The following MAU2 variants were observed in gnomAD, a reference collection of about 807,000 sequenced individuals.
The protein encoded by MAU2 is MAU2 sister chromatid cohesion factor.
A neutral mutation model predicts 89.1 loss-of-function variants in MAU2; 9 were observed. That is an observed-to-expected ratio of 0.10 (90% CI 0.06 to 0.18). The LOEUF is 0.18. Among genes scored for constraint, MAU2 ranks in the 10% least tolerant of loss-of-function variants. The pLI, the probability that MAU2 is intolerant of heterozygous loss-of-function variation, is 1.00. For synonymous variants in MAU2, 357 were observed against 343.4 expected (o/e 1.04, Z -0.44); for missense variants, 425 against 803.5 (o/e 0.53, Z 5.69).
At position 19,355,857 on chromosome 19, in the gene MAU2, C is replaced by T. The variant is rs750367380; in HGVS notation, c.*75C>T. 6 of 1,347,910 alleles carry T rather than the reference C, an allele frequency of 4.5e-6. No homozygotes were observed. Among genetic ancestry groups the T allele is most frequent in the Non-Finnish European group, 6.3e-6 (6 of 951,376 alleles). 83.5% of individuals were successfully genotyped at this position (1,347,910 alleles called of 1,614,324 possible). ...CCACCCAGACGGCACTCAAGCCTGC[C>T]CCCGAGGCGTGCTTCCTTCCTGATT... On this transcript the variant is annotated 3_prime_UTR_variant, in exon 19 of 19. Coordinates refer to ENST00000262815, the MANE Select transcript of MAU2 (RefSeq NM_015329.4).
intron 1 of MAU2, among the ~76,000 whole-genome samples, chr19:19,330,135 A>G (rs759630925): frequency 4.2e-4 from 64 of 151,726 alleles, no homozygotes; most frequent in Non-Finnish European, 8.8e-4. Flanking sequence ...ACACACCACC[A>G]TGCCCAGCTA....
intron 1 of MAU2, chr19:19,329,061 A>G (rs2061533792): frequency 8.8e-6 from 4 of 455,986 alleles, no homozygotes; most frequent in Non-Finnish European, 1.3e-5. Flanking sequence ...GTTTAGCCTG[A>G]GCATCTATGG....
intron 16 of MAU2, among the ~76,000 whole-genome samples, chr19:19,350,864 C>T (rs556998448): frequency 2.0e-5 from 3 of 148,878 alleles, no homozygotes; most frequent in Non-Finnish European, 3.0e-5. Flanking sequence ...CCCACCACTG[C>T]ACTCCAGCCT....
intron 16 of MAU2, chr19:19,353,065 C>G (rs1198537227): frequency 6.6e-6 from 1 of 152,436 alleles, no homozygotes; most frequent in Non-Finnish European, 1.5e-5. Context: ...AGTGCCGGAG[C>G]AGACGGCTGA....
Position 19,340,884 on chromosome 19 carries a change from G to T in MAU2, c.579+11G>T, listed in dbSNP as rs1443313213. The T allele has an allele frequency of 1.9e-6, 3 of 1,613,074 alleles. No individual in the cohort carries two copies. The East Asian group carries it at 6.7e-5, about 36-fold the overall frequency. On this transcript the variant is annotated intron_variant, in intron 6 of 18. Transcript: ENST00000262815. ...CTCAGCAAGGGGATGGTAAGTTGAGGCTGGGCATGGCTGGATGCAGCTGGT... is the reference window on the plus strand; with the variant it reads ...CTCAGCAAGGGGATGGTAAGTTGAGTCTGGGCATGGCTGGATGCAGCTGGT...
In MAU2 at chr19:19,349,370, G is replaced by A. The variant is rs1408107465; in HGVS notation, c.1482G>A (p.Leu494=). The A allele has an allele frequency of 1.2e-6, 2 of 1,614,210 alleles. No individual in the cohort carries two copies. Among genetic ancestry groups the A allele is most frequent in the Admixed American group, 3.3e-5 (2 of 60,030 alleles). The change falls in exon 16 of 19, where the codon CTG becomes CTA. Residue 494 remains leucine (L), a synonymous_variant. Coordinates refer to ENST00000262815, the MANE Select transcript of MAU2 (RefSeq NM_015329.4). ...ETLKMSNAED[L]NRLTACSLVL... The stretch of plus-strand genomic sequence containing the variant: ...TGAAGATGTCCAATGCTGAGGACCT[G>A]AACCGGCTCACAGCCTGCTCCCTCG...
At chr19:19,333,343 A>G (rs1350953700) in intron 1 of MAU2, among the ~76,000 whole-genome samples, 1 of 152,312 alleles carries the variant, frequency 6.6e-6, no homozygotes, top group Admixed American at 6.5e-5. Context: ...AAAATTAGCC[A>G]GACGTGGTGG....
rs12460764 is a variant in MAU2, at chr19:19,321,154, G to T, written c.276+19G>T. ...GAAGGCGGTGAGCGCGGGCCGGGCC[G>T]CGAGGGAGGAGTCGCGGGCTCCTTG... is the stretch of plus-strand genomic sequence containing the variant. On this transcript the variant is annotated intron_variant, in intron 1 of 18. Coordinates refer to ENST00000262815, the MANE Select transcript of MAU2 (RefSeq NM_015329.4). 0.63 allele frequency: 993,371 copies of T among 1,565,600 alleles called. 319,457 individuals carry two copies. Among genetic ancestry groups the T allele is most frequent in the East Asian group, 0.7 (28,757 of 41,090 alleles).
At chr19:19,327,680 C>T (rs1004247529) in intron 1 of MAU2, among the ~76,000 whole-genome samples, 3 of 151,874 alleles carry the variant, frequency 2.0e-5, no homozygotes, top group Admixed American at 1.3e-4. Context: ...TCTCGAACTC[C>T]TCAGCAGCTT....
intron 1 of MAU2, chr19:19,321,410 G>A: frequency 2.5e-6 from 1 of 406,684 alleles, no homozygotes; most frequent in East Asian, 4.4e-5. Flanking sequence ...CCTGTTATTG[G>A]GAGCAACAGG....
At chr19:19,337,298 G>T (rs756507195) in intron 4 of MAU2, 33 bp downstream of exon 4, 3 of 1,559,742 alleles carry the variant, frequency 1.9e-6, no homozygotes, top group African/African-American at 2.7e-5. Flanking sequence ...GAGGGTGCCC[G>T]GCAGGGACCA....
intron 2 of MAU2, 35 bp downstream of exon 2, chr19:19,335,770 G>A: frequency 6.2e-7 from 1 of 1,608,574 alleles, no homozygotes; most frequent in Non-Finnish European, 8.5e-7. Context: ...TCCCTTTAAG[G>A]AATTCTCCAC....
At chr19:19,329,596 A>G (rs1316890973) in intron 1 of MAU2, among the ~76,000 whole-genome samples, 3 of 152,188 alleles carry the variant, frequency 2.0e-5, no homozygotes, top group Non-Finnish European at 4.4e-5. Flanking sequence ...AGCCACAGTC[A>G]CACAGCAGCA....
chr19:19,334,564 G>C, intron 1 of MAU2: 1 of 985,588 alleles, frequency 1.0e-6, no homozygotes, highest in Non-Finnish European at 1.2e-6. Flanking sequence ...AATACTCTCT[G>C]CTGCATCCAG....
chr19:19,350,161 T>C (rs1035191301), intron 16 of MAU2, among the ~76,000 whole-genome samples: 2 of 150,698 alleles, frequency 1.3e-5, no homozygotes, highest in Non-Finnish European at 2.9e-5. Context: ...TGGGGCGTGG[T>C]GGTGGACGCC....
chr19:19,330,804 G>A (rs1222111185), intron 1 of MAU2, among the ~76,000 whole-genome samples: 1 of 152,156 alleles, frequency 6.6e-6, no homozygotes, highest in African/African-American at 2.4e-5. Flanking sequence ...GGGAGACCGA[G>A]CCAGGAGGAT....
intron 16 of MAU2, among the ~76,000 whole-genome samples, chr19:19,351,137 C>T (rs986878019): frequency 2.0e-5 from 3 of 151,330 alleles, no homozygotes; most frequent in Non-Finnish European, 2.9e-5. Context: ...AACCTTCACC[C>T]CCTGTAGGCT....
intron 16 of MAU2, chr19:19,352,524 C>T (rs1412183198): frequency 6.6e-6 from 1 of 152,338 alleles, no homozygotes; most frequent in African/African-American, 2.4e-5. Flanking sequence ...TGCTATCACC[C>T]TGCCCTCAGC....
intron 4 of MAU2, among the ~76,000 whole-genome samples, chr19:19,337,793 A>G (rs958476996): frequency 1.3e-5 from 2 of 152,120 alleles, no homozygotes; most frequent in Non-Finnish European, 2.9e-5. Flanking sequence ...TGGGATCCAC[A>G]CAGTTCCTCC....
Sources: allele counts gnomAD v4.1 joint callset (sites outside exome capture counted in the v4.1 genomes callset), GRCh38; gene constraint gnomAD v4.1.1; transcripts MANE v1.5; gene names NCBI Gene and HGNC (gene_info 2026-07-23, HGNC 2026-07-21).